Variants in LRPPRC observed in about 807,000 individuals in gnomAD.
The protein encoded by LRPPRC is leucine rich pentatricopeptide repeat containing, also known as leucine-rich PPR motif-containing protein, mitochondrial.
In LRPPRC, 120 loss-of-function variants were observed where a neutral mutation model predicts 180.3. That is an observed-to-expected ratio of 0.67 (90% CI 0.57 to 0.77). The LOEUF is 0.77. Ranked by LOEUF, LRPPRC falls within the 30% of genes least tolerant of loss-of-function variation. The probability of loss-of-function intolerance (pLI) is 0.00; values close to 1 mark genes in which losing one functional copy is unlikely to be tolerated. For synonymous variants in LRPPRC, 723 were observed against 600.0 expected, an observed-to-expected ratio of 1.21 and a Z score of -3.00; for missense variants, 2,012 against 1,657.2, an observed-to-expected ratio of 1.21 and a Z score of -3.72.
intron 2 of LRPPRC, 47 bp downstream of exon 2, chr2:43,982,191 T>G (rs749324128): frequency 1.9e-5 from 27 of 1,408,840 alleles, no homozygotes; most frequent in Non-Finnish European, 2.6e-5. Context: ...CCTGAGCCAC[T>G]GTGACCAGCC....
intron 3 of LRPPRC, among the ~76,000 whole-genome samples, chr2:43,979,016 C>T (rs868178814): frequency 6.6e-6 from 1 of 151,994 alleles, no homozygotes. Flanking sequence ...TGATTGTTGT[C>T]GGTTTTAGAT....
intron 1 of LRPPRC, among the ~76,000 whole-genome samples, chr2:43,984,407 A>G (rs6544724): frequency 0.55 from 84,138 of 152,080 alleles, 24,343 homozygotes; most frequent in African/African-American, 0.63. Context: ...TCAGGCAGAA[A>G]ACATGTTTAT....
At chr2:43,945,206 C>T in intron 22 of LRPPRC, 126 bp downstream of exon 22, 1 of 710,888 alleles carries the variant, frequency 1.4e-6, no homozygotes, top group South Asian at 1.5e-5. Flanking sequence ...GTTGGATTCA[C>T]ATGCAAATTT....
At chr2:43,949,336 G>A (rs1360751943) in intron 16 of LRPPRC, among the ~76,000 whole-genome samples, 1 of 152,090 alleles carries the variant, frequency 6.6e-6, no homozygotes, top group Non-Finnish European at 1.5e-5. Flanking sequence ...TGATTTTTAA[G>A]CCTATTTCCA....
chr2:43,954,493 G>C (rs1246776356), intron 14 of LRPPRC, among the ~76,000 whole-genome samples: 5 of 152,192 alleles, frequency 3.3e-5, no homozygotes, highest in Non-Finnish European at 1.5e-5. Context: ...CTCATACATT[G>C]CTGGTAGAAG....
At chr2:43,970,924 C>T (rs1013591747) in intron 11 of LRPPRC, among the ~76,000 whole-genome samples, 1 of 152,086 alleles carries the variant, frequency 6.6e-6, no homozygotes, top group African/African-American at 2.4e-5. Context: ...CATGGTGAAA[C>T]CCCGTCTCTA....
At chr2:43,986,472 T>A (rs10183032) in intron 1 of LRPPRC, among the ~76,000 whole-genome samples, 61,065 of 152,026 alleles carry the variant, frequency 0.4, 13,202 homozygotes, top group Non-Finnish European at 0.49. Flanking sequence ...TTTTTCTTCT[T>A]CACTGATATT....
At chr2:43,924,900 C>T (rs1048811653) in intron 27 of LRPPRC, among the ~76,000 whole-genome samples, 167 bp downstream of exon 27, 2 of 152,154 alleles carry the variant, frequency 1.3e-5, no homozygotes, top group South Asian at 4.1e-4. Flanking sequence ...TCTAGTGCTA[C>T]GATATAACAT....
rs1004523687 is a variant in LRPPRC at position 43,954,418 on chromosome 2, A to G, written c.1649+2967T>C. On this transcript the variant is annotated intron_variant, in intron 14 of 37. Transcript: ENST00000260665. ...ATTAAGATGTCATTTGTCATCCATCAGCTTGGCCAAAATTAAAAAGCATTG... is the reference window on the plus strand; with the variant it reads ...ATTAAGATGTCATTTGTCATCCATCGGCTTGGCCAAAATTAAAAAGCATTG... Among the ~76,000 whole-genome samples, 23 of 152,342 alleles carry G rather than the reference A, an allele frequency of 1.5e-4. 1 individual carries two copies. In the East Asian group the frequency reaches 4.2e-3, roughly 28 times the overall value.
intron 11 of LRPPRC, among the ~76,000 whole-genome samples, chr2:43,969,929 G>A (rs1014738652): frequency 5.3e-5 from 8 of 152,064 alleles, no homozygotes; most frequent in Non-Finnish European, 8.8e-5. Context: ...CCCTACTTCA[G>A]CCTCCCAAAG....
In LRPPRC at chr2:43,976,990, A is replaced by G; in HGVS notation, c.650+4T>C. 1 of 1,612,060 alleles carries G rather than the reference A, an allele frequency of 6.2e-7. No individual in the cohort carries two copies. The highest frequency in any genetic ancestry group is 2.2e-5 in the East Asian group (1 of 44,762). On this transcript the variant is annotated splice_donor_region_variant and intron_variant, in intron 5 of 37. Coordinates refer to ENST00000260665, the MANE Select transcript of LRPPRC (RefSeq NM_133259.4). ...CGCTTAAACATGTTCATACAGATCC[A>G]TACCTGGCACCTTCAATATCTCCTA...
chr2:43,974,812 A>T, intron 7 of LRPPRC, 54 bp from the exon 8 acceptor site: 4 of 1,528,650 alleles, frequency 2.6e-6, no homozygotes, highest in Non-Finnish European at 3.6e-6. Context: ...TTATTTAAGT[A>T]TTAAAGCTAA....
At chr2:43,910,749 G>A (rs963373954) in intron 30 of LRPPRC, among the ~76,000 whole-genome samples, 1 of 152,118 alleles carries the variant, frequency 6.6e-6, no homozygotes, top group Non-Finnish European at 1.5e-5. Context: ...TTTGTGGTGA[G>A]CTGAGAGGAA....
intron 30 of LRPPRC, among the ~76,000 whole-genome samples, chr2:43,911,514 CTTCTTCTTCTTTTTT>C (rs1671254933): frequency 8.0e-6 from 1 of 125,712 alleles, no homozygotes; most frequent in South Asian, 2.8e-4. Flanking sequence ...TTTTCTTCTT[CTTCTTCTTCTTTTTT>C]TTTTTTTTTT....
chr2:43,976,111 C>T (rs373869863), intron 6 of LRPPRC, 32 bp downstream of exon 6: 92 of 1,359,932 alleles, frequency 6.8e-5, no homozygotes, highest in Admixed American at 3.9e-4. Context: ...CCATCTATCA[C>T]TTAAGAACCA....
rs142094107 is a variant in LRPPRC at position 43,981,861 on chromosome 2, T to G, written c.346+377A>C. On this transcript the variant is annotated intron_variant, in intron 2 of 37. Coordinates refer to ENST00000260665, the MANE Select transcript of LRPPRC (RefSeq NM_133259.4). ...GCAAAAGTAATTGCAGCCATTATGT[T>G]TAATGGCAAAAACTGCAATTACTTT... Among the ~76,000 whole-genome samples, 7 of 152,198 alleles carry G rather than the reference T, an allele frequency of 4.6e-5. No individual in the cohort carries two copies. In the East Asian group the frequency reaches 1.4e-3, roughly 29 times the overall value.
At chr2:43,933,042 G>A (rs1672146587) in intron 25 of LRPPRC, among the ~76,000 whole-genome samples, 1 of 152,178 alleles carries the variant, frequency 6.6e-6, no homozygotes, top group African/African-American at 2.4e-5. Context: ...TGTACTTTCA[G>A]AAGCGAATGT....
chr2:43,958,828 C>CAG (rs1213167481), intron 13 of LRPPRC, among the ~76,000 whole-genome samples: 3 of 152,176 alleles, frequency 2.0e-5, no homozygotes, highest in Non-Finnish European at 4.4e-5. Flanking sequence ...ATAGAACGAA[C>CAG]CGCTCTTCAA....
chr2:43,931,415 C>T (rs1222329130), intron 25 of LRPPRC, among the ~76,000 whole-genome samples: 1 of 152,074 alleles, frequency 6.6e-6, no homozygotes, highest in African/African-American at 2.4e-5. Context: ...GATAATGTAC[C>T]AGACAATCCA....
Sources: gnomAD v4.1 joint callset for allele counts (sites outside exome capture counted in the v4.1 genomes callset) on GRCh38, gnomAD v4.1.1 for gene constraint, MANE v1.5 for transcripts, NCBI Gene and HGNC (gene_info 2026-07-23, HGNC 2026-07-21) for gene names.